The following ABCC11 variants were observed in gnomAD, a reference collection of about 807,000 sequenced individuals.
ABCC11 encodes the protein ATP binding cassette subfamily C member 11.
Under a neutral mutation model 149.3 loss-of-function variants are expected in ABCC11, and 135 were observed. That is an observed-to-expected ratio of 0.90 (90% CI 0.79 to 1.04). ABCC11 has a LOEUF of 1.04. Among genes scored for constraint, ABCC11 ranks in the 50% least tolerant of loss-of-function variants. ABCC11 has a pLI of 0.00. For synonymous variants in ABCC11, 665 were observed against 671.4 expected (o/e 0.99, Z 0.15); for missense variants, 1,680 against 1,722.1 (o/e 0.98, Z 0.43).
intron 6 of ABCC11, among the ~76,000 whole-genome samples, chr16:48,220,897 AG>A (rs1289583328): frequency 6.6e-6 from 1 of 152,194 alleles, no homozygotes; most frequent in Non-Finnish European, 1.5e-5. Flanking sequence ...GTGTCTTTGA[AG>A]GGGGCTCATA....
chr16:48,197,555 G>A (rs1967543705), intron 17 of ABCC11, among the ~76,000 whole-genome samples: 1 of 152,212 alleles, frequency 6.6e-6, no homozygotes, highest in South Asian at 2.1e-4. Context: ...CCAGACAAGA[G>A]CAAAGCCATG....
rs1965989391 is a variant in ABCC11 at position 48,175,411 on chromosome 16, G to GC, written c.3544_3545insG (p.Ser1182CysfsTer21). 1 of 1,607,500 alleles carries GC rather than the reference G, an allele frequency of 6.2e-7. No individual in the cohort carries two copies. The highest frequency in any genetic ancestry group is 1.1e-5 in the South Asian group (1 of 90,884). On this transcript the variant is annotated frameshift_variant, in exon 26 of 30. Transcript: ENST00000356608. LOFTEE classifies it high-confidence loss of function. ...GCGGAAGAGAGCCATGCCCAAGGAG[G>GC]ACTTCCCTGTGGGGCAAGAAACAAG... is the stretch of plus-strand genomic sequence containing the variant.
At chr16:48,218,305 C>G (rs1212652817) in intron 6 of ABCC11, among the ~76,000 whole-genome samples, 1 of 152,062 alleles carries the variant, frequency 6.6e-6, no homozygotes, top group Non-Finnish European at 1.5e-5. Flanking sequence ...CAGACAACAA[C>G]AAAGTCACCC....
In ABCC11 at chr16:48,175,420, G is replaced by A. The variant is rs1965990534; in HGVS notation, c.3539-3C>T. The stretch of plus-strand genomic sequence containing the variant: ...AGCCATGCCCAAGGAGGACTTCCCT[G>A]TGGGGCAAGAAACAAGCGGGGCCTC... On this transcript the variant is annotated splice_polypyrimidine_tract_variant and splice_region_variant and intron_variant, in intron 25 of 29. Coordinates refer to ENST00000356608, the MANE Select transcript of ABCC11 (RefSeq NM_001370497.1). The A allele has an allele frequency of 1.9e-6, 3 of 1,602,978 alleles. No individual in the cohort carries two copies. Among genetic ancestry groups the A allele is most frequent in the Non-Finnish European group, 1.7e-6 (2 of 1,171,124 alleles).
chr16:48,236,462 T>G (rs1386602936), intron 1 of ABCC11, among the ~76,000 whole-genome samples: 1 of 152,236 alleles, frequency 6.6e-6, no homozygotes, highest in Non-Finnish European at 1.5e-5. Flanking sequence ...CTTTCCTTGT[T>G]GGCTTATTTG....
chr16:48,208,468 G>A lies in ABCC11; in HGVS notation c.1637C>T (p.Thr546Met), dbSNP rs17822471. ...CAACAGGCTGCTCTTACCACTCCCC[G>A]TGTTGCCGCAGACCCCTAACATCAT... ...KGMMLGVCGNTGSGKSSLLSA... is the reference protein window; with the variant it reads ...KGMMLGVCGNMGSGKSSLLSA... Residue 546 changes from threonine (T) to methionine (M), a missense_variant, in exon 12 of 30, where the codon ACG (threonine) becomes ATG (methionine). Thr to Met is a moderately conservative substitution (Grantham distance 81). Transcript: ENST00000356608. 0.058 allele frequency: 94,285 copies of A among 1,613,912 alleles called. 3,262 individuals carry two copies. Among genetic ancestry groups the A allele is most frequent in the Middle Eastern group, 0.13 (793 of 6,060 alleles).
intron 17 of ABCC11, among the ~76,000 whole-genome samples, chr16:48,197,053 A>C (rs1967488202): frequency 6.6e-6 from 1 of 152,198 alleles, no homozygotes; most frequent in South Asian, 2.1e-4. Context: ...GGCCGGGCAC[A>C]GTGGCTCATG....
At chr16:48,179,949 C>T (rs1966322310) in intron 23 of ABCC11, among the ~76,000 whole-genome samples, 1 of 152,180 alleles carries the variant, frequency 6.6e-6, no homozygotes, top group Admixed American at 6.5e-5. Flanking sequence ...AGGGGAAGCC[C>T]TCTGTAAGTC....
At chr16:48,244,228 G>A (rs1971193833) in intron 1 of ABCC11, 1 of 561,918 alleles carries the variant, frequency 1.8e-6, no homozygotes, top group Non-Finnish European at 3.1e-6. Context: ...CTCCTAGAGA[G>A]CAGCGCGAAG....
intron 4 of ABCC11, among the ~76,000 whole-genome samples, chr16:48,226,443 AT>A (rs998392879): frequency 2.0e-5 from 3 of 151,648 alleles, no homozygotes; most frequent in Non-Finnish European, 4.4e-5. Context: ...TGCCTGGCTA[AT>A]TTTTTTGTGT....
intron 18 of ABCC11, among the ~76,000 whole-genome samples, chr16:48,195,482 A>G (rs763529893): frequency 5.3e-5 from 8 of 152,314 alleles, no homozygotes; most frequent in Non-Finnish European, 8.8e-5. Context: ...GACATCTTAC[A>G]CAAGGGTCAG....
At chr16:48,228,501 C>G (rs1277321281) in intron 3 of ABCC11, among the ~76,000 whole-genome samples, 3 of 151,856 alleles carry the variant, frequency 2.0e-5, no homozygotes, top group Non-Finnish European at 4.4e-5. Flanking sequence ...GAGGCTGAGG[C>G]GTGAGAATCG....
intron 1 of ABCC11, 193 bp from the exon 2 acceptor site, chr16:48,232,132 T>C: frequency 7.7e-7 from 1 of 1,304,984 alleles, no homozygotes; most frequent in Non-Finnish European, 9.8e-7. Flanking sequence ...TTCTCAGGCC[T>C]CAGGCCCAAA....
Position 48,190,363 on chromosome 16 carries a change from G to GT in ABCC11, c.2706+2156dup, listed in dbSNP as rs568367350. ...GCAGTGTGATACCATAAGCAATTTG[G>GT]TTTTTTTTTTTTTAAATGAGATAGG... On this transcript the variant is annotated intron_variant, in intron 20 of 29. Transcript: ENST00000356608. Among the ~76,000 whole-genome samples, 976 of 145,382 alleles carry GT rather than the reference G, an allele frequency of 6.7e-3. 5 individuals carry two copies. The highest frequency in any genetic ancestry group is 0.019 in the African/African-American group (760 of 39,780).
intron 13 of ABCC11, among the ~76,000 whole-genome samples, chr16:48,204,617 T>C (rs970383972): frequency 6.6e-6 from 1 of 152,086 alleles, no homozygotes; most frequent in Non-Finnish European, 1.5e-5. Context: ...AGGGTGCTCA[T>C]GAGTTGGTAT....
At chr16:48,210,804 C>T in intron 11 of ABCC11, 144 bp downstream of exon 11, 1 of 1,144,332 alleles carries the variant, frequency 8.7e-7, no homozygotes, top group Non-Finnish European at 1.2e-6. Context: ...GTTTGCCCTC[C>T]ATGAAAAATT....
chr16:48,214,959 C>A lies in ABCC11; in HGVS notation c.1170G>T (p.Leu390Phe), dbSNP rs1969218878. 6.2e-7 allele frequency: 1 copy of A among 1,614,142 alleles called. No homozygotes were observed. The highest frequency in any genetic ancestry group is 8.5e-7 in the Non-Finnish European group (1 of 1,180,030). ...GLVQSLTSIT[L>F]FIIPTVATAV... is the part of the protein sequence containing the mutation. ...CTGTGGCCACTGTGGGGATGATGAA[C>A]AAGGTTATACTTGTCAGGCTCTGGA... The change falls in exon 9 of 30, where the codon TTG becomes TTT. Residue 390 changes from leucine (L) to phenylalanine (F), a missense_variant. Physicochemically the swap from Leu to Phe is conservative, Grantham distance 22. Transcript: ENST00000356608.
rs374088211 is a variant in ABCC11 at position 48,211,014 on chromosome 16, G to C, written c.1542C>G (p.Leu514=). ...SEGMTRPRDA[L]GPEEEGNSLG... is the part of the protein sequence containing the mutation. ...GGCTGTTCCCTTCTTCCTCTGGCCC[G>C]AGGGCATCTCTAGGCCTGGTCATCC... Residue 514 remains leucine, a synonymous_variant, in exon 11 of 30, where the codon CTC becomes CTG. Transcript: ENST00000356608. 19 of 1,614,050 alleles carry C rather than the reference G, an allele frequency of 1.2e-5. No individual in the cohort carries two copies. The highest frequency in any genetic ancestry group is 3.4e-6 in the Non-Finnish European group (4 of 1,180,032).
chr16:48,192,938 A>C (rs1189034675), intron 19 of ABCC11, among the ~76,000 whole-genome samples: 1 of 152,180 alleles, frequency 6.6e-6, no homozygotes, highest in East Asian at 1.9e-4. Flanking sequence ...ACACTGCAGC[A>C]GCTGGGCCCT....
Sources: gnomAD v4.1 joint callset for allele counts (sites outside exome capture counted in the v4.1 genomes callset) on GRCh38, gnomAD v4.1.1 for gene constraint, MANE v1.5 for transcripts, NCBI Gene and HGNC (gene_info 2026-07-23, HGNC 2026-07-21) for gene names.